The following MDGA2 variants were observed in gnomAD, a reference collection of about 807,000 sequenced individuals.
The protein encoded by MDGA2 is MAM domain-containing glycosylphosphatidylinositol anchor protein 2.
In MDGA2, 40 loss-of-function variants were observed where a neutral mutation model predicts 117.8. That is an observed-to-expected ratio of 0.34 (90% CI 0.26 to 0.44). The LOEUF (loss-of-function observed/expected upper bound fraction) is 0.44. Among genes scored for constraint, MDGA2 ranks in the 20% least tolerant of loss-of-function variants. MDGA2 has a pLI of 1.00. For missense variants in MDGA2, 1,123 were observed against 1,250.6 expected, an observed-to-expected ratio of 0.90 and a Z score of 1.54; for synonymous variants, 452 against 439.0, an observed-to-expected ratio of 1.03 and a Z score of -0.37.
At chr14:47,408,979 C>A (rs938077915) in intron 1 of MDGA2, among the ~76,000 whole-genome samples, 5 of 152,134 alleles carry the variant, frequency 3.3e-5, no homozygotes. Context: ...AGGAAAGACT[C>A]CAAGGCAGAC....
At chr14:47,407,753 T>C (rs988743237) in intron 1 of MDGA2, among the ~76,000 whole-genome samples, 3 of 152,062 alleles carry the variant, frequency 2.0e-5, no homozygotes, top group Non-Finnish European at 4.4e-5. Flanking sequence ...AAAATGAGAG[T>C]TATTTGTTTA....
In MDGA2 at chr14:47,252,889, C is replaced by T. The variant is rs145840682; in HGVS notation, c.421-34694G>A. On this transcript the variant is annotated intron_variant, in intron 2 of 16. Transcript: ENST00000399232. ...GTGGTTTAATTGACTCACAGTTAAG[C>T]GTGGCTGGGGAGGCCTCAGGAAATT... Among the ~76,000 whole-genome samples, 329 of 152,224 alleles carry T rather than the reference C, an allele frequency of 2.2e-3. 2 individuals are homozygous for T. Among genetic ancestry groups the T allele is most frequent in the African/African-American group, 7.2e-3 (297 of 41,518 alleles).
chr14:46,980,082 A>G (rs1886610678), intron 8 of MDGA2, among the ~76,000 whole-genome samples: 1 of 152,198 alleles, frequency 6.6e-6, no homozygotes. Context: ...TCAATGCTCA[A>G]TTGCCATTCC....
At chr14:46,947,910 G>A (rs148910211) in intron 9 of MDGA2, among the ~76,000 whole-genome samples, 48 of 151,142 alleles carry the variant, frequency 3.2e-4, no homozygotes, top group Non-Finnish European at 6.1e-4. Context: ...TTCTTTATGG[G>A]TTTCCTGCTA....
At chr14:47,104,095 T>C (rs191760931) in intron 5 of MDGA2, among the ~76,000 whole-genome samples, 14 of 152,330 alleles carry the variant, frequency 9.2e-5, no homozygotes, top group Admixed American at 5.9e-4. Context: ...TTGACTGGGA[T>C]ATTTATGTCA....
At chr14:47,156,681 T>C (rs1050703179) in intron 3 of MDGA2, among the ~76,000 whole-genome samples, 2 of 152,216 alleles carry the variant, frequency 1.3e-5, no homozygotes, top group Non-Finnish European at 2.9e-5. Flanking sequence ...TTAAACCAAA[T>C]TAATCTGAAA....
chr14:46,971,989 G>A (rs1162303452), intron 8 of MDGA2, among the ~76,000 whole-genome samples: 2 of 152,144 alleles, frequency 1.3e-5, no homozygotes, highest in African/African-American at 4.8e-5. Flanking sequence ...ACCTGTAAAT[G>A]TAATTAAAAT....
At chr14:46,997,822 A>G (rs1391273329) in intron 8 of MDGA2, among the ~76,000 whole-genome samples, 1 of 152,194 alleles carries the variant, frequency 6.6e-6, no homozygotes, top group East Asian at 1.9e-4. Flanking sequence ...AAAAGAGAAG[A>G]TAAAATGTTT....
At chr14:47,135,727 C>T (rs986694377) in intron 4 of MDGA2, among the ~76,000 whole-genome samples, 4 of 152,100 alleles carry the variant, frequency 2.6e-5, no homozygotes, top group African/African-American at 7.2e-5. Context: ...TCTATGCAGT[C>T]TAAGCAAAAC....
chr14:47,523,108 C>A (rs1433769578), intron 1 of MDGA2, among the ~76,000 whole-genome samples: 1 of 152,124 alleles, frequency 6.6e-6, no homozygotes, highest in Non-Finnish European at 1.5e-5. Context: ...ACAACATGCT[C>A]TTGAAATAGG....
intron 2 of MDGA2, among the ~76,000 whole-genome samples, chr14:47,223,574 T>C (rs1411848375): frequency 6.6e-6 from 1 of 152,144 alleles, no homozygotes; most frequent in Non-Finnish European, 1.5e-5. Flanking sequence ...CTAGGAAATA[T>C]ACTCTTTACT....
intron 1 of MDGA2, among the ~76,000 whole-genome samples, chr14:47,573,122 C>T (rs1896051609): frequency 1.3e-5 from 2 of 152,074 alleles, no homozygotes; most frequent in African/African-American, 4.8e-5. Flanking sequence ...TGCGTAATCC[C>T]ATAACCAAAT....
At chr14:47,064,957 C>T (rs1890028120) in intron 6 of MDGA2, among the ~76,000 whole-genome samples, 1 of 151,960 alleles carries the variant, frequency 6.6e-6, no homozygotes, top group Non-Finnish European at 1.5e-5. Flanking sequence ...TAGAACTAAA[C>T]AAATTCTATG....
At chr14:47,086,671 A>C (rs1320825417) in intron 6 of MDGA2, among the ~76,000 whole-genome samples, 1 of 152,154 alleles carries the variant, frequency 6.6e-6, no homozygotes, top group Non-Finnish European at 1.5e-5. Context: ...TAAGAAAATG[A>C]AGTAAGTTCA....
At chr14:47,664,830 T>C (rs765458503) in intron 1 of MDGA2, among the ~76,000 whole-genome samples, 27 of 152,352 alleles carry the variant, frequency 1.8e-4, no homozygotes, top group Non-Finnish European at 3.7e-4. Context: ...AAAAAGTCTT[T>C]GAGTTTACCT....
intron 1 of MDGA2, among the ~76,000 whole-genome samples, chr14:47,663,714 A>G (rs1021798327): frequency 1.3e-5 from 2 of 152,190 alleles, no homozygotes; most frequent in Non-Finnish European, 2.9e-5. Flanking sequence ...AGAAGATGTG[A>G]CACAGTAATT....
intron 8 of MDGA2, among the ~76,000 whole-genome samples, chr14:46,997,488 A>C (rs1420371686): frequency 6.6e-6 from 1 of 152,170 alleles, no homozygotes. Context: ...AAGCAGTATT[A>C]CTTAAATAAC....
intron 8 of MDGA2, among the ~76,000 whole-genome samples, chr14:47,010,934 C>G (rs1887876651): frequency 6.6e-6 from 1 of 151,902 alleles, no homozygotes; most frequent in Admixed American, 6.6e-5. Flanking sequence ...TTAATTAGAT[C>G]AGATTTATTT....
chr14:46,915,281 G>A (rs1426468717), intron 10 of MDGA2, among the ~76,000 whole-genome samples: 1 of 152,078 alleles, frequency 6.6e-6, no homozygotes. Flanking sequence ...CCTGGTAAAG[G>A]AGAAATTTAA....
Sources: allele counts gnomAD v4.1 joint callset (sites outside exome capture counted in the v4.1 genomes callset), GRCh38; gene constraint gnomAD v4.1.1; transcripts MANE v1.5; gene names NCBI Gene and HGNC (gene_info 2026-07-23, HGNC 2026-07-21).